Variants in PIK3AP1 observed in about 807,000 individuals in gnomAD.
PIK3AP1 encodes the protein phosphoinositide 3-kinase adapter protein 1.
A neutral mutation model predicts 88.1 loss-of-function variants in PIK3AP1; 21 were observed. That is an observed-to-expected ratio of 0.24 (90% CI 0.17 to 0.34). The LOEUF is 0.34. PIK3AP1 is among the 10% of genes least tolerant of loss of function. The pLI, the probability that PIK3AP1 is intolerant of heterozygous loss-of-function variation, is 1.00. For missense variants in PIK3AP1, 828 were observed against 1,035.7 expected (o/e 0.80, Z 2.75); for synonymous variants, 398 against 400.0 (o/e 1.00, Z 0.06).
At chr10:96,638,785 G>A (rs1167453049) in intron 8 of PIK3AP1, among the ~76,000 whole-genome samples, 1 of 152,172 alleles carries the variant, frequency 6.6e-6, no homozygotes, top group African/African-American at 2.4e-5. Flanking sequence ...CCACAGCACT[G>A]TCACAGTTTG....
chr10:96,684,644 C>A (rs768787896), intron 2 of PIK3AP1, among the ~76,000 whole-genome samples: 2 of 152,184 alleles, frequency 1.3e-5, no homozygotes, highest in African/African-American at 2.4e-5. Context: ...ACCAATGAAC[C>A]TGTGCTGGCA....
At chr10:96,611,928 T>C (rs1041313130) in intron 13 of PIK3AP1, among the ~76,000 whole-genome samples, 10 of 152,356 alleles carry the variant, frequency 6.6e-5, no homozygotes, top group African/African-American at 1.9e-4. Flanking sequence ...CGAATGTTTA[T>C]AAAATCCTGA....
rs1356335731 is a variant in PIK3AP1 at position 96,628,437 on chromosome 10, G to A, written c.1432C>T (p.Arg478Trp). The A allele has an allele frequency of 9.3e-6, 15 of 1,613,458 alleles. No individual in the cohort carries two copies. Among genetic ancestry groups the A allele is most frequent in the East Asian group, 4.5e-5 (2 of 44,892 alleles). ...SNPIPGDGFSRATKDSMIRKF... is the reference protein window; with the variant it reads ...SNPIPGDGFSWATKDSMIRKF... ...CGGATCATAGAGTCCTTAGTGGCCC[G>A]AGAGAAACCATCTCCAGGGATTGGG... The change falls in exon 9 of 17, where the codon CGG (arginine) becomes TGG (tryptophan). Residue 478 changes from arginine (R) to tryptophan (W), a missense_variant. Transcript: ENST00000339364.
At chr10:96,608,808 G>A (rs551466098) in intron 14 of PIK3AP1, among the ~76,000 whole-genome samples, 81 of 152,352 alleles carry the variant, frequency 5.3e-4, no homozygotes, top group African/African-American at 1.7e-3. Flanking sequence ...TCCAACATGC[G>A]TTATGGGGTT....
chr10:96,712,736 G>C (rs767828171), intron 1 of PIK3AP1, among the ~76,000 whole-genome samples: 1 of 152,262 alleles, frequency 6.6e-6, no homozygotes, highest in Non-Finnish European at 1.5e-5. Flanking sequence ...ATGGGCACGA[G>C]CCATCAGGTA....
At chr10:96,718,169 T>C (rs1181705313) in intron 1 of PIK3AP1, among the ~76,000 whole-genome samples, 2 of 152,220 alleles carry the variant, frequency 1.3e-5, no homozygotes, top group Admixed American at 6.5e-5. Flanking sequence ...GGTTGATACC[T>C]AAAGCATACA....
chr10:96,651,720 A>T (rs77229534), intron 4 of PIK3AP1, 69 bp from the exon 5 acceptor site: 10 of 1,538,942 alleles, frequency 6.5e-6, no homozygotes, highest in South Asian at 2.3e-5. Context: ...GTGGCTGTGG[A>T]TATACACACT....
In PIK3AP1 at chr10:96,709,662, A is replaced by T. The variant is rs765453475; in HGVS notation, c.335T>A (p.Leu112Gln). ...LCGVRDSEEF[L>Q]DFFPDWAHWQ... Reference sequence around the variant, plus strand: ...ATGGGCCCAATCTGGAAAGAAGTCTAGGAACTCCTCGCTGTCCCGCACGCC... The same window carrying T: ...ATGGGCCCAATCTGGAAAGAAGTCTTGGAACTCCTCGCTGTCCCGCACGCC... The change falls in exon 2 of 17, where the codon CTA becomes CAA. Residue 112 changes from leucine to glutamine, a missense_variant. By Grantham distance (113) the Leu-to-Gln change is moderately radical. Around this residue, in one of 3 missense-constraint regions of PIK3AP1, gnomAD observed 610 missense variants for 760.1 expected, o/e 0.80. Coordinates refer to ENST00000339364, the MANE Select transcript of PIK3AP1 (RefSeq NM_152309.3). 6.2e-7 allele frequency: 1 copy of T among 1,614,268 alleles called. No homozygotes were observed. The highest frequency in any genetic ancestry group is 1.3e-5 in the African/African-American group (1 of 75,074).
intron 12 of PIK3AP1, 68 bp downstream of exon 12, chr10:96,620,284 G>A (rs1295969956): frequency 1.3e-6 from 2 of 1,513,942 alleles, no homozygotes; most frequent in African/African-American, 2.7e-5. Context: ...AGACAGCCAT[G>A]GCCCAGCCCT....
At chr10:96,711,534 G>A (rs556931560) in intron 1 of PIK3AP1, among the ~76,000 whole-genome samples, 2 of 152,258 alleles carry the variant, frequency 1.3e-5, no homozygotes, top group South Asian at 2.1e-4. Flanking sequence ...ACAATTAAAC[G>A]CTAGGCCTGG....
At chr10:96,717,124 G>T (rs1285654306) in intron 1 of PIK3AP1, among the ~76,000 whole-genome samples, 1 of 152,034 alleles carries the variant, frequency 6.6e-6, no homozygotes, top group Non-Finnish European at 1.5e-5. Flanking sequence ...TGAGTATGGT[G>T]GTGGGCACCT....
chr10:96,614,061 G>A (rs1156829885), intron 13 of PIK3AP1, among the ~76,000 whole-genome samples: 1 of 152,136 alleles, frequency 6.6e-6, no homozygotes, highest in Non-Finnish European at 1.5e-5. Flanking sequence ...TCCTCTGCAT[G>A]TGCGTCTGTC....
intron 2 of PIK3AP1, among the ~76,000 whole-genome samples, chr10:96,671,596 G>A (rs1394199110): frequency 1.3e-5 from 2 of 152,174 alleles, no homozygotes; most frequent in African/African-American, 4.8e-5. Flanking sequence ...TCAGGGGAGG[G>A]AGGAGGTGAC....
At chr10:96,700,011 G>A (rs1379125857) in intron 2 of PIK3AP1, among the ~76,000 whole-genome samples, 2 of 152,180 alleles carry the variant, frequency 1.3e-5, no homozygotes, top group African/African-American at 2.4e-5. Flanking sequence ...GAAATTGACC[G>A]ATAAAATTCC....
chr10:96,689,785 C>A (rs1844127174), intron 2 of PIK3AP1, among the ~76,000 whole-genome samples: 1 of 152,118 alleles, frequency 6.6e-6, no homozygotes, highest in Non-Finnish European at 1.5e-5. Context: ...CCCTCTACCC[C>A]ACAATCATGC....
At chr10:96,625,136 C>T (rs1843137966) in intron 10 of PIK3AP1, among the ~76,000 whole-genome samples, 1 of 152,146 alleles carries the variant, frequency 6.6e-6, no homozygotes, top group Non-Finnish European at 1.5e-5. Context: ...GAATGCGCAA[C>T]TAAGAATTCT....
intron 8 of PIK3AP1, among the ~76,000 whole-genome samples, chr10:96,643,391 C>T (rs1438040591): frequency 6.6e-6 from 1 of 152,148 alleles, no homozygotes; most frequent in East Asian, 1.9e-4. Flanking sequence ...GCCTCTGTTT[C>T]CCCATTTGTA....
At chr10:96,666,043 C>T (rs932716112) in intron 2 of PIK3AP1, among the ~76,000 whole-genome samples, 3 of 152,158 alleles carry the variant, frequency 2.0e-5, no homozygotes, top group Non-Finnish European at 4.4e-5. Flanking sequence ...GTGTCTTGTT[C>T]ATTTGTTTTG....
chr10:96,701,160 T>C (rs950545511), intron 2 of PIK3AP1, among the ~76,000 whole-genome samples: 1 of 152,234 alleles, frequency 6.6e-6, no homozygotes, highest in East Asian at 1.9e-4. Flanking sequence ...GGTATCCACA[T>C]TTTAAACATA....
Sources: allele counts gnomAD v4.1 joint callset (sites outside exome capture counted in the v4.1 genomes callset), GRCh38; gene constraint gnomAD v4.1.1; regional missense constraint gnomAD v4.1.1; transcripts MANE v1.5; gene names NCBI Gene and HGNC (gene_info 2026-07-23, HGNC 2026-07-21).